The following NWD2 variants were observed in gnomAD, a reference collection of about 807,000 sequenced individuals.
The protein encoded by NWD2 is NACHT and WD repeat domain containing 2, also known as NACHT and WD repeat domain-containing protein 2.
A neutral mutation model predicts 132.7 loss-of-function variants in NWD2; 37 were observed. The ratio of observed to expected loss-of-function variants is 0.28; its 90% CI spans 0.21 to 0.37. NWD2 has a LOEUF of 0.37. NWD2 is among the 10% of genes least tolerant of loss of function. The pLI, the probability that NWD2 is intolerant of heterozygous loss-of-function variation, is 1.00. For missense variants in NWD2, 1,592 were observed against 2,122.4 expected (o/e 0.75, Z 4.91); for synonymous variants, 705 against 803.0 (o/e 0.88, Z 2.06).
intron 2 of NWD2, among the ~76,000 whole-genome samples, chr4:37,339,390 C>G (rs1361672675): frequency 1.3e-5 from 2 of 152,182 alleles, no homozygotes; most frequent in Admixed American, 6.5e-5. Context: ...TCTTCCTTTA[C>G]TTTGTACTCA....
intron 1 of NWD2, among the ~76,000 whole-genome samples, chr4:37,295,207 G>A (rs564808929): frequency 8.7e-4 from 133 of 152,238 alleles, no homozygotes; most frequent in Middle Eastern, 3.4e-3. Flanking sequence ...GAGTGTGTTG[G>A]TGTCCCAAGT....
chr4:37,291,122 A>C (rs1002272241), intron 1 of NWD2, among the ~76,000 whole-genome samples: 4 of 152,162 alleles, frequency 2.6e-5, no homozygotes, highest in African/African-American at 9.7e-5. Flanking sequence ...TGATAACCAC[A>C]CTCACTAACA....
At chr4:37,418,158 A>G (rs1711680451) in intron 3 of NWD2, among the ~76,000 whole-genome samples, 2 of 152,048 alleles carry the variant, frequency 1.3e-5, no homozygotes, top group African/African-American at 4.8e-5. Context: ...TTAAAAAAGG[A>G]TGGAAGGGTG....
intron 3 of NWD2, among the ~76,000 whole-genome samples, chr4:37,379,745 G>A (rs756939597): frequency 6.6e-6 from 1 of 152,134 alleles, no homozygotes; most frequent in Non-Finnish European, 1.5e-5. Flanking sequence ...AATAAAAACT[G>A]CATCAAACTC....
Position 37,313,464 on chromosome 4 carries a change from C to T in NWD2, c.152-12472C>T, listed in dbSNP as rs183960556. Reference sequence around the variant, plus strand: ...ATGGTAGTTTGTATTTCTGTGGGATCGGTGGTGATATCCCCTTTATCATTT... The same window carrying T: ...ATGGTAGTTTGTATTTCTGTGGGATTGGTGGTGATATCCCCTTTATCATTT... On this transcript the variant is annotated intron_variant, in intron 1 of 6. Transcript: ENST00000309447. 1.8e-4 allele frequency among the ~76,000 whole-genome samples: 27 copies of T among 151,006 alleles called. 1 individual carries two copies. In the East Asian group the frequency reaches 3.1e-3, roughly 17 times the overall value.
chr4:37,447,663 A>G lies in NWD2; in HGVS notation c.*446A>G. ...AAACACAGCCTTAATCTCTCTTTAC[A>G]TTTTACAGTCCTGACAACTGTGTAC... is the stretch of plus-strand genomic sequence containing the variant. On this transcript the variant is annotated 3_prime_UTR_variant, in exon 7 of 7. Transcript: ENST00000309447. The G allele has an allele frequency of 5.5e-6, 1 of 182,148 alleles. No homozygotes were observed. The highest frequency in any genetic ancestry group is 1.3e-4 in the South Asian group (1 of 8,000). The allele number at this position is 182,148 out of a possible 1,614,324, so 11.3% of individuals were successfully genotyped here.
Position 37,294,290 on chromosome 4 carries a change from G to A in NWD2, c.152-31646G>A, listed in dbSNP as rs1400273247. Among the ~76,000 whole-genome samples the A allele has an allele frequency of 2.0e-5, 3 of 152,132 alleles. No homozygotes were observed. In the East Asian group the frequency reaches 5.8e-4, roughly 29 times the overall value. ...TTTATCTTTAATGTGCCACTAATTGGCAGTTGACTGTAGGTTATTTCAGAG... is the reference window on the plus strand; with the variant it reads ...TTTATCTTTAATGTGCCACTAATTGACAGTTGACTGTAGGTTATTTCAGAG... On this transcript the variant is annotated intron_variant, in intron 1 of 6. Coordinates refer to ENST00000309447, the MANE Select transcript of NWD2 (RefSeq NM_001144990.2).
In NWD2 at chr4:37,446,748, GGGA is replaced by G; in HGVS notation, c.4770_4772del (p.Glu1590del). On this transcript the variant is annotated inframe_deletion, in exon 7 of 7. Coordinates refer to ENST00000309447, the MANE Select transcript of NWD2 (RefSeq NM_001144990.2). This position sits in a 1 kb window ranked among gnomAD's most constrained non-coding sequence, Gnocchi z 6.7. ...CTGGTATACATTTGTTTCCGAAATG[GGGA>G]GGAGGAGGATGAAAATGGTGCAATA... The G allele has an allele frequency of 1.9e-6, 3 of 1,551,690 alleles. No homozygotes were observed. The highest frequency in any genetic ancestry group is 1.2e-5 in the South Asian group (1 of 84,032).
intron 3 of NWD2, among the ~76,000 whole-genome samples, chr4:37,385,882 A>AT (rs1720557276): frequency 6.6e-6 from 1 of 152,228 alleles, no homozygotes; most frequent in East Asian, 1.9e-4. Flanking sequence ...TATATTCATT[A>AT]GCTCAGATGT....
At chr4:37,294,650 A>T (rs1718440107) in intron 1 of NWD2, among the ~76,000 whole-genome samples, 4 of 152,226 alleles carry the variant, frequency 2.6e-5, no homozygotes, top group Admixed American at 2.6e-4. Context: ...TTTTTTGGAA[A>T]ACAAAAAACC....
Position 37,346,767 on chromosome 4 carries a change from T to G in NWD2, c.241-9599T>G, listed in dbSNP as rs1719645864. On this transcript the variant is annotated intron_variant, in intron 2 of 6. Coordinates refer to ENST00000309447, the MANE Select transcript of NWD2 (RefSeq NM_001144990.2). ...TTATTCCTAAGTTTTCTTAGTGATC[T>G]TATGAATGAAAGTGTTTCTTTCTGG... Among the ~76,000 whole-genome samples, 5 of 152,280 alleles carry G rather than the reference T, an allele frequency of 3.3e-5. No individual in the cohort carries two copies. The Middle Eastern group carries it at 0.01, about 311-fold the overall frequency.
chr4:37,293,114 T>C (rs1718399216), intron 1 of NWD2, among the ~76,000 whole-genome samples: 1 of 152,256 alleles, frequency 6.6e-6, no homozygotes, highest in Non-Finnish European at 1.5e-5. Flanking sequence ...CACTTTCTTT[T>C]TCAACAAAAT....
chr4:37,300,451 T>TGA (rs1718591406), intron 1 of NWD2, among the ~76,000 whole-genome samples: 2 of 152,158 alleles, frequency 1.3e-5, no homozygotes, highest in African/African-American at 4.8e-5. Context: ...TACGGGGTTT[T>TGA]CTTTAAATAG....
At chr4:37,247,560 T>A (rs2109253409) in intron 1 of NWD2, among the ~76,000 whole-genome samples, 1 of 152,304 alleles carries the variant, frequency 6.6e-6, no homozygotes, top group South Asian at 2.1e-4. Context: ...TGCATGGAAT[T>A]TCCCCATCGG....
chr4:37,249,615 T>A (rs1717312392), intron 1 of NWD2, among the ~76,000 whole-genome samples: 1 of 152,138 alleles, frequency 6.6e-6, no homozygotes, highest in Admixed American at 6.5e-5. Context: ...AAGATACTTC[T>A]CCCCTAAGGA....
At chr4:37,434,749 A>C (rs1385679585) in intron 5 of NWD2, among the ~76,000 whole-genome samples, 1 of 151,646 alleles carries the variant, frequency 6.6e-6, no homozygotes, top group African/African-American at 2.4e-5. Context: ...TAATTCCAGG[A>C]GCAGGAAAAA....
chr4:37,302,785 C>T (rs963108713), intron 1 of NWD2, among the ~76,000 whole-genome samples: 5 of 152,054 alleles, frequency 3.3e-5, no homozygotes, highest in African/African-American at 1.2e-4. Flanking sequence ...CTATTCAGCT[C>T]ATTTGCCCAC....
rs1461225108 is a variant in NWD2 at position 37,438,829 on chromosome 4, G to C, written c.735G>C (p.Leu245=). Residue 245 remains leucine (L), a synonymous_variant, in exon 6 of 7, where the codon CTG becomes CTC. Coordinates refer to ENST00000309447, the MANE Select transcript of NWD2 (RefSeq NM_001144990.2). ...TAGAGGATGAGTTTGACTTTGCTCT[G>C]GGAAAACAAACTCCAGCATTTCTAA... ...SAIEDEFDFA[L]GKQTPAFLKK... is the part of the protein sequence containing the mutation. 1.9e-6 allele frequency: 3 copies of C among 1,550,892 alleles called. No individual in the cohort carries two copies. The highest frequency in any genetic ancestry group is 2.7e-5 in the African/African-American group (2 of 72,996).
At chr4:37,295,996 G>A (rs1450894330) in intron 1 of NWD2, among the ~76,000 whole-genome samples, 1 of 152,168 alleles carries the variant, frequency 6.6e-6, no homozygotes, top group Non-Finnish European at 1.5e-5. Context: ...CATGCACTGA[G>A]CAATGTAAAA....
Sources: allele counts gnomAD v4.1 joint callset (sites outside exome capture counted in the v4.1 genomes callset), GRCh38; gene constraint gnomAD v4.1.1; non-coding constraint Gnocchi (gnomAD v3.1); transcripts MANE v1.5; gene names NCBI Gene and HGNC (gene_info 2026-07-23, HGNC 2026-07-21).